COTL1: variants seen among roughly 807,000 people sequenced by gnomAD.
COTL1 encodes coactosin like F-actin binding protein 1, also known as coactosin-like protein.
In COTL1, 15 loss-of-function variants were observed where a neutral mutation model predicts 16.5. The observed-to-expected ratio is 0.91, with a 90% CI of 0.61 to 1.40. The LOEUF (loss-of-function observed/expected upper bound fraction) is 1.40, where lower values mean the gene tolerates loss of function less well. Ranked by LOEUF, COTL1 falls within the 40% of genes most tolerant of loss-of-function variation. The pLI is 0.00. For missense variants in COTL1, 220 were observed against 201.5 expected, an observed-to-expected ratio of 1.09 and a Z score of -0.56; for synonymous variants, 112 against 85.3, an observed-to-expected ratio of 1.31 and a Z score of -1.73.
intron 3 of COTL1, among the ~76,000 whole-genome samples, chr16:84,587,931 C>G (rs181104147): frequency 1.3e-5 from 2 of 151,926 alleles, no homozygotes; most frequent in Non-Finnish European, 2.9e-5. Flanking sequence ...ACCACCACAC[C>G]CGGCTAATTT....
chr16:84,611,657 T>C lies in COTL1; in HGVS notation c.160+5844A>G, dbSNP rs188898813. On this transcript the variant is annotated intron_variant, in intron 2 of 3. Transcript: ENST00000262428. Reference sequence around the variant, plus strand: ...CCATATGTCGAATGAATTAAATGAATAAACAGGAGAATGAAGGAATAAACA... The same window carrying C: ...CCATATGTCGAATGAATTAAATGAACAAACAGGAGAATGAAGGAATAAACA... Among the ~76,000 whole-genome samples, 7 of 152,318 alleles carry C rather than the reference T, an allele frequency of 4.6e-5. No individual in the cohort carries two copies. In the East Asian group the frequency reaches 1.3e-3, roughly 29 times the overall value.
At chr16:84,581,734 A>G (rs1184804351) in intron 3 of COTL1, among the ~76,000 whole-genome samples, 1 of 152,050 alleles carries the variant, frequency 6.6e-6, no homozygotes, top group Non-Finnish European at 1.5e-5. Flanking sequence ...CGAACTCCTG[A>G]CCTCAGGTGA....
At chr16:84,591,960 A>G (rs1458923414) in intron 2 of COTL1, among the ~76,000 whole-genome samples, 9 of 152,224 alleles carry the variant, frequency 5.9e-5, no homozygotes, top group Admixed American at 3.3e-4. Context: ...ACTAGGATAA[A>G]CCAAAATTGT....
At chr16:84,583,121 G>A (rs964260145) in intron 3 of COTL1, among the ~76,000 whole-genome samples, 7 of 152,206 alleles carry the variant, frequency 4.6e-5, no homozygotes, top group Non-Finnish European at 7.3e-5. Context: ...GTGGTGAAGT[G>A]GCCGTGTCGG....
At position 84,617,944 on chromosome 16, in the gene COTL1, G is replaced by T; in HGVS notation, c.-30C>A. On this transcript the variant is annotated 5_prime_UTR_variant, in exon 1 of 4. Coordinates refer to ENST00000262428, the MANE Select transcript of COTL1 (RefSeq NM_021149.5). ...GCGGAGCCGCAGCGGGACACTGTCC[G>T]GGGCGGCCGAGCGCGCCCCTGGCCG... 2 of 1,511,692 alleles carry T rather than the reference G, an allele frequency of 1.3e-6. No individual in the cohort carries two copies. The highest frequency in any genetic ancestry group is 1.8e-6 in the Non-Finnish European group (2 of 1,128,808). 93.6% of individuals were successfully genotyped at this position (1,511,692 alleles called of 1,614,324 possible). A position where few individuals can be genotyped will look rare whatever the true frequency, so the allele number is the denominator to read the frequency against.
At chr16:84,598,717 A>G (rs1905055350) in intron 2 of COTL1, among the ~76,000 whole-genome samples, 2 of 134,684 alleles carry the variant, frequency 1.5e-5, no homozygotes, top group African/African-American at 2.7e-5. Context: ...GAAAGGCCAG[A>G]GGGGGTAAAG....
At chr16:84,573,286 G>A (rs895625986) in intron 3 of COTL1, among the ~76,000 whole-genome samples, 2 of 152,262 alleles carry the variant, frequency 1.3e-5, no homozygotes, top group Admixed American at 6.5e-5. Flanking sequence ...GGCTGGGTGC[G>A]CTTTCAGGCG....
chr16:84,609,277 G>A (rs1459196728), intron 2 of COTL1, among the ~76,000 whole-genome samples: 3 of 152,106 alleles, frequency 2.0e-5, no homozygotes, highest in African/African-American at 7.2e-5. Flanking sequence ...CCTTCTTTTG[G>A]TCGCTATACT....
In COTL1 at chr16:84,566,721, C is replaced by T. The variant is rs904605440; in HGVS notation, c.*124G>A. 2.6e-5 allele frequency: 17 copies of T among 641,578 alleles called. No homozygotes were observed. Among genetic ancestry groups the T allele is most frequent in the South Asian group, 1.3e-4 (7 of 53,156 alleles). 39.7% of individuals were successfully genotyped at this position (641,578 alleles called of 1,614,324 possible). On this transcript the variant is annotated 3_prime_UTR_variant, in exon 4 of 4. Coordinates refer to ENST00000262428, the MANE Select transcript of COTL1 (RefSeq NM_021149.5). ...GGGGCTGTGGACACAGGGTGGCGGGCGCTGCCTCTCATGGCTTCTTTTCTC... is the reference window on the plus strand; with the variant it reads ...GGGGCTGTGGACACAGGGTGGCGGGTGCTGCCTCTCATGGCTTCTTTTCTC...
chr16:84,617,481 C>T lies in COTL1; in HGVS notation c.160+20G>A. On this transcript the variant is annotated intron_variant, in intron 2 of 3. Transcript: ENST00000262428. ...ACCTCCCAACGACCGCGCATCCGCC[C>T]GGCAGGCGCGCCTCCCTACCTGTGC... 5 of 1,547,904 alleles carry T rather than the reference C, an allele frequency of 3.2e-6. No individual in the cohort carries two copies. The highest frequency in any genetic ancestry group is 3.9e-5 in the Admixed American group (2 of 51,026).
intron 2 of COTL1, among the ~76,000 whole-genome samples, chr16:84,610,852 C>G (rs1035869416): frequency 1.4e-5 from 2 of 141,630 alleles, no homozygotes; most frequent in Non-Finnish European, 3.2e-5. Flanking sequence ...TGTCACAGGG[C>G]ACCTGCCTCC....
At chr16:84,613,022 A>G (rs1905372096) in intron 2 of COTL1, among the ~76,000 whole-genome samples, 1 of 141,594 alleles carries the variant, frequency 7.1e-6, no homozygotes, top group Admixed American at 7.0e-5. Flanking sequence ...TTTTTTTGAG[A>G]TAGAGTCTCA....
In COTL1 at chr16:84,590,593, A is replaced by C. The variant is rs963423966; in HGVS notation, c.161-331T>G. On this transcript the variant is annotated intron_variant, in intron 2 of 3. Transcript: ENST00000262428. This position sits in a 1 kb window ranked among gnomAD's most constrained non-coding sequence, Gnocchi z 5.5. The stretch of plus-strand genomic sequence containing the variant: ...TTAAACCCAGGCCTTTCTGGCTGCA[A>C]CGCCTACAGCCTTCCTACAATCAAG... 5.1e-6 allele frequency: 1 copy of C among 194,274 alleles called. No individual in the cohort carries two copies. The highest frequency in any genetic ancestry group is 1.0e-5 in the Non-Finnish European group (1 of 95,796). The allele number at this position is 194,274 out of a possible 1,614,324, so 12.0% of individuals were successfully genotyped here.
chr16:84,579,699 C>T (rs1427178064), intron 3 of COTL1, among the ~76,000 whole-genome samples: 14 of 152,104 alleles, frequency 9.2e-5, no homozygotes, highest in South Asian at 2.1e-4. Flanking sequence ...AAAACCACCA[C>T]GGGGCGAAGA....
intron 3 of COTL1, among the ~76,000 whole-genome samples, chr16:84,589,699 G>A (rs1049030391): frequency 6.6e-6 from 1 of 152,046 alleles, no homozygotes; most frequent in Non-Finnish European, 1.5e-5. Context: ...CTTAAAGTAG[G>A]CACTGTTCAG....
In COTL1 at chr16:84,565,741, T is replaced by C. The variant is rs1206558526; in HGVS notation, c.*1104A>G. On this transcript the variant is annotated 3_prime_UTR_variant, in exon 4 of 4. Transcript: ENST00000262428. ...AAAAGAGCTATATCAAATGTGCTCATGAAGAACCAAGCCAATCTCACCTTT... is the reference window on the plus strand; with the variant it reads ...AAAAGAGCTATATCAAATGTGCTCACGAAGAACCAAGCCAATCTCACCTTT... 5 of 152,574 alleles carry C rather than the reference T, an allele frequency of 3.3e-5. No homozygotes were observed. The highest frequency in any genetic ancestry group is 1.2e-4 in the African/African-American group (5 of 41,482). 9.5% of individuals were successfully genotyped at this position (152,574 alleles called of 1,614,324 possible). A position where few individuals can be genotyped will look rare whatever the true frequency, so the allele number is the denominator to read the frequency against.
At chr16:84,612,576 A>G (rs937241659) in intron 2 of COTL1, among the ~76,000 whole-genome samples, 12 of 152,152 alleles carry the variant, frequency 7.9e-5, no homozygotes, top group Non-Finnish European at 1.5e-4. Context: ...TGAGGTCAGG[A>G]GTTTGAGACC....
intron 2 of COTL1, among the ~76,000 whole-genome samples, chr16:84,606,025 A>G (rs953209413): frequency 7.2e-5 from 11 of 152,244 alleles, no homozygotes; most frequent in Non-Finnish European, 1.2e-4. Context: ...AAGCGTGATG[A>G]CCATAAACTA....
intron 2 of COTL1, among the ~76,000 whole-genome samples, chr16:84,612,794 C>T (rs1018365214): frequency 1.3e-5 from 2 of 152,088 alleles, no homozygotes; most frequent in African/African-American, 4.8e-5. Flanking sequence ...GTAGCCAACA[C>T]ACACCGTGGC....
Sources: allele counts gnomAD v4.1 joint callset (sites outside exome capture counted in the v4.1 genomes callset), GRCh38; gene constraint gnomAD v4.1.1; non-coding constraint Gnocchi (gnomAD v3.1); transcripts MANE v1.5; gene names NCBI Gene and HGNC (gene_info 2026-07-23, HGNC 2026-07-21).